The following ZMYND11 variants were observed in gnomAD, a reference collection of about 807,000 sequenced individuals.
The protein encoded by ZMYND11 is zinc finger MYND-type containing 11.
In ZMYND11, 9 loss-of-function variants were observed where a neutral mutation model predicts 84.9. The observed-to-expected ratio is 0.11, with a 90% CI of 0.06 to 0.18. The LOEUF (loss-of-function observed/expected upper bound fraction) is 0.18, where lower values mean the gene tolerates loss of function less well. Among genes scored for constraint, ZMYND11 ranks in the 10% least tolerant of loss-of-function variants. The pLI is 1.00. For synonymous variants in ZMYND11, 250 were observed against 244.1 expected, an observed-to-expected ratio of 1.02 and a Z score of -0.23; for missense variants, 409 against 761.0, an observed-to-expected ratio of 0.54 and a Z score of 5.44.
Position 252,756 on chromosome 10 carries a change from G to T in ZMYND11, c.*286G>T. On this transcript the variant is annotated 3_prime_UTR_variant, in exon 15 of 15. Transcript: ENST00000381604. This position sits in a 1 kb window ranked among gnomAD's most constrained non-coding sequence, Gnocchi z 4.6. Reference sequence around the variant, plus strand: ...TTAAAACATTTTTAGGTTTTACAGAGATTTTAACCTTTAAACAACAGATCT... The same window carrying T: ...TTAAAACATTTTTAGGTTTTACAGATATTTTAACCTTTAAACAACAGATCT... 3 of 269,194 alleles carry T rather than the reference G, an allele frequency of 1.1e-5. No homozygotes were observed. The South Asian group carries it at 2.0e-4, about 18-fold the overall frequency. 16.7% of individuals were successfully genotyped at this position (269,194 alleles called of 1,614,324 possible). A position where few individuals can be genotyped will look rare whatever the true frequency, so the allele number is the denominator to read the frequency against.
intron 9 of ZMYND11, 124 bp downstream of exon 9, chr10:241,094 G>GC: frequency 1.5e-6 from 1 of 654,824 alleles, no homozygotes; most frequent in Non-Finnish European, 2.5e-6. Flanking sequence ...TGGGTTTAAT[G>GC]AGTATAAACA....
chr10:246,018 A>G (rs539090505), intron 10 of ZMYND11, among the ~76,000 whole-genome samples: 53 of 152,332 alleles, frequency 3.5e-4, no homozygotes, highest in Admixed American at 2.9e-3. Flanking sequence ...TACACAGTAA[A>G]CATCTGTTGA....
chr10:206,903 A>G (rs1444647990), intron 2 of ZMYND11, among the ~76,000 whole-genome samples: 2 of 151,920 alleles, frequency 1.3e-5, no homozygotes, highest in Non-Finnish European at 1.5e-5. Context: ...CAGGTTTCAT[A>G]TGTATACATG....
chr10:168,436 ACT>A (rs1249446781), intron 1 of ZMYND11, among the ~76,000 whole-genome samples: 6 of 151,976 alleles, frequency 3.9e-5, no homozygotes, highest in African/African-American at 1.5e-4. Flanking sequence ...ACATAGTAAG[ACT>A]CTGTCTCTTA....
At position 242,192 on chromosome 10, in the gene ZMYND11, A is replaced by T. The variant is rs370082781; in HGVS notation, c.950+53A>T. ...CACAGCTGTGCTTATGAAGTCCTTAAGAAAGTTTGATGATTTCTCCATCAG... is the reference window on the plus strand; with the variant it reads ...CACAGCTGTGCTTATGAAGTCCTTATGAAAGTTTGATGATTTCTCCATCAG... On this transcript the variant is annotated intron_variant, in intron 10 of 14. Coordinates refer to ENST00000381604, the MANE Select transcript of ZMYND11 (RefSeq NM_001370100.5). 1.4e-4 allele frequency: 223 copies of T among 1,587,274 alleles called. 1 individual carries two copies. The African/African-American group carries it at 2.4e-3, about 17-fold the overall frequency.
chr10:152,592 C>T (rs1554757399), intron 1 of ZMYND11, among the ~76,000 whole-genome samples: 1 of 152,152 alleles, frequency 6.6e-6, no homozygotes. Context: ...AAAAGGCTTA[C>T]ACTCCCGCAC....
chr10:191,331 T>A (rs1293645809), intron 2 of ZMYND11, among the ~76,000 whole-genome samples: 2 of 152,228 alleles, frequency 1.3e-5, no homozygotes, highest in African/African-American at 4.8e-5. Flanking sequence ...TCCGGCATTT[T>A]TTAATGGATT....
At chr10:236,736 T>C (rs895615720) in intron 4 of ZMYND11, 102 bp from the exon 5 acceptor site, 1 of 982,820 alleles carries the variant, frequency 1.0e-6, no homozygotes, top group Admixed American at 3.0e-5. Flanking sequence ...TTTAGTAAAC[T>C]CTTTGCATAC....
chr10:254,349 CTG>C lies in ZMYND11; in HGVS notation c.*1885_*1886del, dbSNP rs552876250. ...TTTCCAAGTTACTACAGCGTGAAAA[CTG>C]TGTGTTTAAAAAAAAACAAAATTAA... On this transcript the variant is annotated 3_prime_UTR_variant, in exon 15 of 15. Coordinates refer to ENST00000381604, the MANE Select transcript of ZMYND11 (RefSeq NM_001370100.5). 1.7e-4 allele frequency: 26 copies of C among 152,470 alleles called. No individual in the cohort carries two copies. In the South Asian group the frequency reaches 3.9e-3, roughly 23 times the overall value. The allele number at this position is 152,470 out of a possible 1,614,324, so 9.4% of individuals were successfully genotyped here. A position where few individuals can be genotyped will look rare whatever the true frequency, so the allele number is the denominator to read the frequency against.
At chr10:138,835 A>G (rs568300188) in intron 1 of ZMYND11, among the ~76,000 whole-genome samples, 2 of 152,000 alleles carry the variant, frequency 1.3e-5, no homozygotes, top group African/African-American at 4.8e-5. Context: ...TGGATTTAAC[A>G]CTGAATTTTC....
intron 1 of ZMYND11, among the ~76,000 whole-genome samples, chr10:155,441 T>C (rs1841466942): frequency 6.6e-6 from 1 of 152,068 alleles, no homozygotes; most frequent in African/African-American, 2.4e-5. Flanking sequence ...TTGAGGCCAG[T>C]AGTTTGAGAC....
chr10:248,624 A>T lies in ZMYND11; in HGVS notation c.1500+16A>T. On this transcript the variant is annotated intron_variant, in intron 13 of 14. Transcript: ENST00000381604. The stretch of plus-strand genomic sequence containing the variant: ...TCTGGAGAAGGTAATGCTTGTCGCC[A>T]CTGTGGGTGCCCTGCTGCAGCCGGC... 6.3e-7 allele frequency: 1 copy of T among 1,583,536 alleles called. No individual in the cohort carries two copies. Among genetic ancestry groups the T allele is most frequent in the Non-Finnish European group, 8.6e-7 (1 of 1,166,308 alleles).
chr10:130,926 T>C (rs1835298777), upstream of ZMYND11, among the ~76,000 whole-genome samples: 1 of 152,092 alleles, frequency 6.6e-6, no homozygotes, highest in Admixed American at 6.5e-5. Context: ...GAGACCAGCG[T>C]AAGCAACATG....
intron 1 of ZMYND11, among the ~76,000 whole-genome samples, chr10:146,761 A>C (rs1431214999): frequency 6.6e-6 from 1 of 152,134 alleles, no homozygotes; most frequent in Non-Finnish European, 1.5e-5. Flanking sequence ...GGAGGGACCC[A>C]GTGGGAGATA....
At chr10:222,023 A>T (rs2131430682) in intron 4 of ZMYND11, among the ~76,000 whole-genome samples, 1 of 152,258 alleles carries the variant, frequency 6.6e-6, no homozygotes, top group African/African-American at 2.4e-5. Context: ...TACGAGTGAT[A>T]TGTGGTGACT....
intron 2 of ZMYND11, among the ~76,000 whole-genome samples, chr10:209,601 A>C (rs1429127267): frequency 6.6e-6 from 1 of 152,190 alleles, no homozygotes; most frequent in Non-Finnish European, 1.5e-5. Context: ...ACAGTCTCTT[A>C]AGTGATTTAT....
intron 1 of ZMYND11, among the ~76,000 whole-genome samples, chr10:170,455 T>TGC (rs782583083): frequency 1.5e-3 from 193 of 129,504 alleles, no homozygotes; most frequent in East Asian, 5.7e-3. Context: ...TGTGTGTGTG[T>TGC]GCGTGCTTAT....
intron 2 of ZMYND11, among the ~76,000 whole-genome samples, chr10:185,593 T>C (rs1204727474): frequency 6.6e-6 from 1 of 150,674 alleles, no homozygotes; most frequent in Admixed American, 6.6e-5. Context: ...GTGGGTGGAT[T>C]GCCTGAGGTC....
Position 210,056 on chromosome 10 carries a change from CATTTT to C in ZMYND11, c.276+13_276+17del. On this transcript the variant is annotated intron_variant, in intron 3 of 14. Transcript: ENST00000381604. ...TTGCCAGGAGATGAGATTGTAAGTACATTTTATTTGATAAACATAGAGATGTGAAC... is the reference window on the plus strand; with the variant it reads ...TTGCCAGGAGATGAGATTGTAAGTACATTTGATAAACATAGAGATGTGAAC... 1 of 1,613,554 alleles carries C rather than the reference CATTTT, an allele frequency of 6.2e-7. No homozygotes were observed. Among genetic ancestry groups the C allele is most frequent in the East Asian group, 2.2e-5 (1 of 44,856 alleles).
Sources: allele counts gnomAD v4.1 joint callset (sites outside exome capture counted in the v4.1 genomes callset), GRCh38; gene constraint gnomAD v4.1.1; non-coding constraint Gnocchi (gnomAD v3.1); transcripts MANE v1.5; gene names NCBI Gene and HGNC (gene_info 2026-07-23, HGNC 2026-07-21).